SCAI: variants seen among roughly 807,000 people sequenced by gnomAD.
The protein encoded by SCAI is protein SCAI.
Under a neutral mutation model 92.2 loss-of-function variants are expected in SCAI, and 24 were observed. That is an observed-to-expected ratio of 0.26 (90% CI 0.19 to 0.37). The LOEUF is 0.37. SCAI is among the 10% of genes least tolerant of loss of function. The pLI is 1.00. For synonymous variants in SCAI, 261 were observed against 258.6 expected (o/e 1.01, Z -0.09); for missense variants, 450 against 736.2 (o/e 0.61, Z 4.50).
intron 9 of SCAI, among the ~76,000 whole-genome samples, chr9:125,012,245 TAA>T (rs769071278): frequency 1.4e-4 from 21 of 152,230 alleles, no homozygotes; most frequent in Non-Finnish European, 2.1e-4. Context: ...GCAAACTGGA[TAA>T]AGAGTCCAGA....
At chr9:125,080,371 G>A (rs983513365) in intron 2 of SCAI, among the ~76,000 whole-genome samples, 4 of 152,076 alleles carry the variant, frequency 2.6e-5, no homozygotes, top group African/African-American at 9.7e-5. Flanking sequence ...GTGAAATAGG[G>A]TTGTCTGATC....
chr9:125,085,164 CA>C (rs1363857297), intron 2 of SCAI, among the ~76,000 whole-genome samples: 4 of 152,100 alleles, frequency 2.6e-5, no homozygotes, highest in Non-Finnish European at 5.9e-5. Flanking sequence ...ATGTTGGGAA[CA>C]TCAATAGACT....
chr9:124,988,423 C>T (rs1233649938), intron 14 of SCAI, among the ~76,000 whole-genome samples: 2 of 151,866 alleles, frequency 1.3e-5, no homozygotes, highest in Non-Finnish European at 2.9e-5. Flanking sequence ...AGATACGAGG[C>T]AGGGAGAAAT....
At chr9:125,083,085 G>A (rs966011426) in intron 2 of SCAI, among the ~76,000 whole-genome samples, 2 of 152,116 alleles carry the variant, frequency 1.3e-5, no homozygotes, top group East Asian at 1.9e-4. Flanking sequence ...GGAGGGACCC[G>A]GATGTAACTG....
At chr9:124,995,944 T>C (rs1453132363) in intron 13 of SCAI, among the ~76,000 whole-genome samples, 1 of 152,106 alleles carries the variant, frequency 6.6e-6, no homozygotes, top group African/African-American at 2.4e-5. Flanking sequence ...TTGGTGTGCG[T>C]GCTCTTTCCG....
chr9:124,976,228 C>T (rs1831751843), intron 14 of SCAI, 42 bp from the exon 15 acceptor site: 1 of 1,344,140 alleles, frequency 7.4e-7, no homozygotes, highest in Admixed American at 1.7e-5. Flanking sequence ...AAAGATTTGA[C>T]CAAAGATAGT....
intron 3 of SCAI, among the ~76,000 whole-genome samples, chr9:125,053,093 G>C (rs1020687566): frequency 3.9e-5 from 6 of 152,094 alleles, no homozygotes; most frequent in African/African-American, 1.4e-4. Context: ...CCAGCACTTT[G>C]GGAGGCCGAA....
intron 2 of SCAI, among the ~76,000 whole-genome samples, chr9:125,108,868 G>A (rs2131227922): frequency 6.6e-6 from 1 of 152,358 alleles, no homozygotes; most frequent in Non-Finnish European, 1.5e-5. Flanking sequence ...GTACCCAACA[G>A]CTCACTGAGA....
Position 125,055,917 on chromosome 9 carries a change from A to G in SCAI, c.189T>C (p.Cys63=). ...QGERKTVTDF[C]YLLDKSKQLF... is the part of the protein sequence containing the mutation. ...GTTGCTTAGATTTATCCAGAAGATA[A>G]CAAAAATCTGTAACTGTTTTCCTCT... Residue 63 remains cysteine (C), a synonymous_variant, in exon 3 of 18, where the codon TGT becomes TGC. Transcript: ENST00000336505. The G allele has an allele frequency of 6.2e-7, 1 of 1,613,262 alleles. No homozygotes were observed. Among genetic ancestry groups the G allele is most frequent in the Non-Finnish European group, 8.5e-7 (1 of 1,179,428 alleles).
At chr9:125,142,425 T>C in intron 2 of SCAI, 1 of 434,750 alleles carries the variant, frequency 2.3e-6, no homozygotes. Context: ...ATTTCCCACA[T>C]TATCTTAGAT....
At chr9:125,046,227 A>G (rs1279019704) in intron 3 of SCAI, among the ~76,000 whole-genome samples, 6 of 114,686 alleles carry the variant, frequency 5.2e-5, no homozygotes, top group Non-Finnish European at 1.1e-4. Flanking sequence ...ATATATATGC[A>G]CACACACATA....
intron 2 of SCAI, among the ~76,000 whole-genome samples, chr9:125,130,839 G>GA (rs145708549): frequency 0.13 from 20,126 of 149,790 alleles, 1,439 homozygotes; most frequent in East Asian, 0.24. Flanking sequence ...AATAGTACAG[G>GA]AAAAAATGAG....
chr9:125,143,521 G>A lies in SCAI; in HGVS notation c.-84C>T, dbSNP rs1051953355. 5.0e-6 allele frequency: 6 copies of A among 1,189,254 alleles called. No individual in the cohort carries two copies. Among genetic ancestry groups the A allele is most frequent in the Admixed American group, 4.2e-5 (1 of 23,902 alleles). 73.7% of individuals were successfully genotyped at this position (1,189,254 alleles called of 1,614,324 possible). ...TGAGGCGGCGGAGGCTGGAGTAGGC[G>A]GAGAGGCGGGAGGAGGGCCTCGCGC... On this transcript the variant is annotated 5_prime_UTR_variant, in exon 1 of 18. Transcript: ENST00000336505.
intron 15 of SCAI, 100 bp downstream of exon 15, chr9:124,976,014 G>A (rs72765215): frequency 7.7e-4 from 591 of 766,038 alleles, no homozygotes; most frequent in Non-Finnish European, 1.2e-3. Context: ...AAATCCACAC[G>A]CGATCATTAT....
chr9:125,133,771 A>G (rs1835457316), intron 2 of SCAI, among the ~76,000 whole-genome samples: 1 of 152,204 alleles, frequency 6.6e-6, no homozygotes, highest in African/African-American at 2.4e-5. Flanking sequence ...TCACAAGACC[A>G]AGTATTGGTG....
At chr9:124,979,756 A>G (rs1463332972) in intron 14 of SCAI, among the ~76,000 whole-genome samples, 1 of 152,192 alleles carries the variant, frequency 6.6e-6, no homozygotes, top group Non-Finnish European at 1.5e-5. Context: ...TACTAAAAAT[A>G]TTAAGCAAAT....
chr9:125,089,539 C>T (rs193019868), intron 2 of SCAI, among the ~76,000 whole-genome samples: 1 of 152,282 alleles, frequency 6.6e-6, no homozygotes, highest in Admixed American at 6.5e-5. Flanking sequence ...ATCAGCATCA[C>T]CACAGAGCTT....
intron 3 of SCAI, among the ~76,000 whole-genome samples, chr9:125,048,907 G>A (rs1360653800): frequency 2.0e-5 from 3 of 151,572 alleles, no homozygotes; most frequent in South Asian, 2.1e-4. Context: ...CACCACGCCC[G>A]GCTAATTTTG....
At chr9:124,990,181 GA>G (rs1832089126) in intron 14 of SCAI, among the ~76,000 whole-genome samples, 1 of 149,474 alleles carries the variant, frequency 6.7e-6, no homozygotes, top group African/African-American at 2.5e-5. Flanking sequence ...TCTCAAAAAA[GA>G]AAAAAAAAGA....
Sources: gnomAD v4.1 joint callset for allele counts (sites outside exome capture counted in the v4.1 genomes callset) on GRCh38, gnomAD v4.1.1 for gene constraint, MANE v1.5 for transcripts, NCBI Gene and HGNC (gene_info 2026-07-23, HGNC 2026-07-21) for gene names.